CRIM1: variants seen among roughly 807,000 people sequenced by gnomAD.
CRIM1 encodes the protein cysteine-rich motor neuron 1 protein.
A neutral mutation model predicts 116.4 loss-of-function variants in CRIM1; 32 were observed. That is an observed-to-expected ratio of 0.27 (90% CI 0.21 to 0.37). CRIM1 has a LOEUF of 0.37. CRIM1 is among the 10% of genes least tolerant of loss of function. CRIM1 has a pLI of 1.00. For missense variants in CRIM1, 1,331 were observed against 1,354.8 expected, an observed-to-expected ratio of 0.98 and a Z score of 0.28; for synonymous variants, 590 against 509.2, an observed-to-expected ratio of 1.16 and a Z score of -2.13.
chr2:36,506,844 A>G (rs1169100469), intron 8 of CRIM1, among the ~76,000 whole-genome samples: 1 of 151,766 alleles, frequency 6.6e-6, no homozygotes, highest in Non-Finnish European at 1.5e-5. Context: ...TCTACTCTTT[A>G]TTTATGTTTT....
intron 13 of CRIM1, among the ~76,000 whole-genome samples, chr2:36,534,806 T>TA (rs1666420415): frequency 6.6e-6 from 1 of 151,898 alleles, no homozygotes; most frequent in African/African-American, 2.4e-5. Flanking sequence ...TCAGAAGAGT[T>TA]ATGGACAAGA....
At chr2:36,394,931 T>C (rs116521468) in intron 1 of CRIM1, among the ~76,000 whole-genome samples, 2 of 152,036 alleles carry the variant, frequency 1.3e-5, no homozygotes, top group South Asian at 4.1e-4. Context: ...AGCAGACTTT[T>C]ACTTCACTTA....
intron 5 of CRIM1, among the ~76,000 whole-genome samples, chr2:36,465,808 A>G (rs749611498): frequency 6.6e-6 from 1 of 152,236 alleles, no homozygotes; most frequent in East Asian, 1.9e-4. Flanking sequence ...TCTAAAATGG[A>G]CTGAATAACA....
intron 2 of CRIM1, 53 bp downstream of exon 2, chr2:36,396,840 C>T (rs1180392391): frequency 4.2e-6 from 6 of 1,422,198 alleles, no homozygotes; most frequent in South Asian, 1.3e-5. Context: ...CATTATGTAA[C>T]CCTGAGTAGT....
chr2:36,519,487 A>G (rs150045314), intron 12 of CRIM1, among the ~76,000 whole-genome samples: 238 of 152,356 alleles, frequency 1.6e-3, no homozygotes, highest in African/African-American at 5.4e-3. Context: ...AAAAAAATAA[A>G]AAGCCTTAAA....
At chr2:36,517,571 T>C in intron 12 of CRIM1, 29 bp downstream of exon 12, 3 of 1,594,498 alleles carry the variant, frequency 1.9e-6, no homozygotes, top group Non-Finnish European at 2.6e-6. Context: ...TGTGGGTGCT[T>C]GGTGGGGAAG....
chr2:36,372,876 G>T (rs952008612), intron 1 of CRIM1, among the ~76,000 whole-genome samples: 4 of 152,166 alleles, frequency 2.6e-5, no homozygotes, highest in African/African-American at 9.7e-5. Context: ...TAGCTGTAGA[G>T]CTCTGGTTGT....
chr2:36,544,288 A>C, intron 14 of CRIM1, 88 bp from the exon 15 acceptor site: 2 of 1,178,256 alleles, frequency 1.7e-6, no homozygotes, highest in Non-Finnish European at 2.2e-6. Context: ...TGTGGTCTTG[A>C]ATTGAGTGCA....
chr2:36,476,759 T>C (rs1183618745), intron 5 of CRIM1, 130 bp from the exon 6 acceptor site: 7 of 700,594 alleles, frequency 1.0e-5, no homozygotes, highest in Admixed American at 2.5e-5. Context: ...TGAACTTACA[T>C]TGAGTTGAGT....
chr2:36,368,326 CT>C (rs1669729606), intron 1 of CRIM1, among the ~76,000 whole-genome samples: 1 of 152,182 alleles, frequency 6.6e-6, no homozygotes, highest in Non-Finnish European at 1.5e-5. Context: ...GACCAGGAAG[CT>C]CTTTGCTTGT....
intron 1 of CRIM1, among the ~76,000 whole-genome samples, chr2:36,394,639 T>TA (rs1254457315): frequency 1.3e-5 from 2 of 151,762 alleles, no homozygotes; most frequent in Non-Finnish European, 2.9e-5. Flanking sequence ...ATATATATCT[T>TA]ATATATGTAT....
chr2:36,393,667 C>T (rs1671795720), intron 1 of CRIM1, among the ~76,000 whole-genome samples: 1 of 152,092 alleles, frequency 6.6e-6, no homozygotes. Flanking sequence ...GTAGAGAAGG[C>T]TTCTCAAAAG....
At chr2:36,440,914 T>G (rs1675768506) in intron 2 of CRIM1, among the ~76,000 whole-genome samples, 1 of 152,198 alleles carries the variant, frequency 6.6e-6, no homozygotes, top group Non-Finnish European at 1.5e-5. Flanking sequence ...CAAAGATCTT[T>G]CAGTTACTCA....
chr2:36,419,657 T>G (rs1037959378), intron 2 of CRIM1, among the ~76,000 whole-genome samples: 1 of 152,218 alleles, frequency 6.6e-6, no homozygotes, highest in African/African-American at 2.4e-5. Flanking sequence ...TTAGTATTAT[T>G]TCTCTTATTT....
chr2:36,473,125 G>A (rs1426910252), intron 5 of CRIM1, among the ~76,000 whole-genome samples: 3 of 152,156 alleles, frequency 2.0e-5, no homozygotes, highest in African/African-American at 7.2e-5. Flanking sequence ...TCTTCTTAGC[G>A]GGGTTGTTAT....
chr2:36,544,716 C>T (rs1368815751), intron 15 of CRIM1, among the ~76,000 whole-genome samples: 2 of 152,134 alleles, frequency 1.3e-5, no homozygotes, highest in Admixed American at 6.5e-5. Context: ...CCTTCCTGGC[C>T]CTCTGTGCTC....
intron 5 of CRIM1, among the ~76,000 whole-genome samples, chr2:36,471,413 A>G (rs1240347214): frequency 6.6e-6 from 1 of 152,146 alleles, no homozygotes. Context: ...ATTTAAAGAA[A>G]TTGCCACAGC....
intron 2 of CRIM1, among the ~76,000 whole-genome samples, chr2:36,399,980 G>C (rs1672298298): frequency 6.6e-6 from 1 of 152,202 alleles, no homozygotes; most frequent in Non-Finnish European, 1.5e-5. Flanking sequence ...TTGAAAAGAG[G>C]CTGGCCAGCA....
chr2:36,523,857 T>G (rs1245326901), intron 13 of CRIM1, among the ~76,000 whole-genome samples: 5 of 152,220 alleles, frequency 3.3e-5, no homozygotes, highest in African/African-American at 1.2e-4. Context: ...GTCTTGTGAC[T>G]TCTGGCCACT....
Sources: allele counts gnomAD v4.1 joint callset (sites outside exome capture counted in the v4.1 genomes callset), GRCh38; gene constraint gnomAD v4.1.1; transcripts MANE v1.5; gene names NCBI Gene and HGNC (gene_info 2026-07-23, HGNC 2026-07-21).